ALG14: variants seen among roughly 807,000 people sequenced by gnomAD.
ALG14 encodes the protein UDP-N-acetylglucosamine transferase subunit ALG14.
Under a neutral mutation model 22.8 loss-of-function variants are expected in ALG14, and 17 were observed. The observed-to-expected ratio is 0.75, with a 90% CI of 0.51 to 1.12. The LOEUF is 1.12. ALG14 is among the 50% of genes most tolerant of loss of function. The pLI, the probability that ALG14 is intolerant of heterozygous loss-of-function variation, is 0.00. For synonymous variants in ALG14, 89 were observed against 103.7 expected (o/e 0.86, Z 0.86); for missense variants, 288 against 271.8 (o/e 1.06, Z -0.42).
Position 94,977,619 on chromosome 1 carries a change from A to G in ALG14, c.*5457T>C, listed in dbSNP as rs1672421613. On this transcript the variant is annotated 3_prime_UTR_variant, in exon 4 of 4. Coordinates refer to ENST00000370205, the MANE Select transcript of ALG14 (RefSeq NM_144988.4). Reference sequence around the variant, plus strand: ...TCTACAATGGTAAATATTGACAAATATAGCTCACACAAACAAAAGCTCATT... The same window carrying G: ...TCTACAATGGTAAATATTGACAAATGTAGCTCACACAAACAAAAGCTCATT... 1 of 151,710 alleles carries G rather than the reference A, an allele frequency of 6.6e-6. No individual in the cohort carries two copies. 9.4% of individuals were successfully genotyped at this position (151,710 alleles called of 1,614,324 possible).
intron 3 of ALG14, among the ~76,000 whole-genome samples, chr1:95,023,478 A>C (rs1193255218): frequency 1.3e-5 from 2 of 152,174 alleles, no homozygotes; most frequent in Non-Finnish European, 2.9e-5. Context: ...CTGGGTATGA[A>C]ACATGGAAAA....
At chr1:95,015,952 A>G (rs1673485618) in intron 3 of ALG14, among the ~76,000 whole-genome samples, 1 of 152,198 alleles carries the variant, frequency 6.6e-6, no homozygotes, top group Non-Finnish European at 1.5e-5. Flanking sequence ...ACTTAATGAC[A>G]AAAGAGGAGA....
In ALG14 at chr1:94,979,627, C is replaced by T. The variant is rs188396567; in HGVS notation, c.*3449G>A. On this transcript the variant is annotated 3_prime_UTR_variant, in exon 4 of 4. Coordinates refer to ENST00000370205, the MANE Select transcript of ALG14 (RefSeq NM_144988.4). ...CGAGAAAATTCTGGGGATAATGAAA[C>T]AAAAAAGGCAACCAATTATAATTGG... 9 of 151,916 alleles carry T rather than the reference C, an allele frequency of 5.9e-5. No homozygotes were observed. The highest frequency in any genetic ancestry group is 1.0e-4 in the Non-Finnish European group (7 of 67,924). 9.4% of individuals were successfully genotyped at this position (151,916 alleles called of 1,614,324 possible).
chr1:95,002,246 G>T (rs570056218), intron 3 of ALG14, among the ~76,000 whole-genome samples: 76 of 150,986 alleles, frequency 5.0e-4, no homozygotes, highest in East Asian at 1.5e-3. Flanking sequence ...TAAGTACCTG[G>T]GGGGGGGAAC....
chr1:95,024,673 CA>C (rs1673761368), intron 3 of ALG14, among the ~76,000 whole-genome samples: 1 of 152,156 alleles, frequency 6.6e-6, no homozygotes, highest in African/African-American at 2.4e-5. Context: ...TCAGTCCACT[CA>C]GGGGTAGAGC....
intron 3 of ALG14, among the ~76,000 whole-genome samples, chr1:94,993,929 T>C (rs767524116): frequency 3.3e-5 from 5 of 152,214 alleles, no homozygotes; most frequent in African/African-American, 1.2e-4. Context: ...TGCATGTTCA[T>C]GGCTGCTTCC....
intron 2 of ALG14, among the ~76,000 whole-genome samples, chr1:95,061,181 C>A (rs1272928797): frequency 1.3e-5 from 2 of 152,118 alleles, no homozygotes; most frequent in African/African-American, 4.8e-5. Flanking sequence ...CCCTTCAGAG[C>A]TATGAGAAAA....
chr1:94,996,984 T>C (rs1397968440), intron 3 of ALG14, among the ~76,000 whole-genome samples: 7 of 152,058 alleles, frequency 4.6e-5, no homozygotes, highest in Non-Finnish European at 1.0e-4. Flanking sequence ...CACCCAGCTG[T>C]TAACATTTTA....
chr1:95,052,465 A>G (rs1222086285), intron 2 of ALG14, among the ~76,000 whole-genome samples: 1 of 152,208 alleles, frequency 6.6e-6, no homozygotes, highest in Non-Finnish European at 1.5e-5. Context: ...CAAGAATGAG[A>G]AAAAAATAAA....
At chr1:95,040,276 C>G (rs1034811950) in intron 2 of ALG14, among the ~76,000 whole-genome samples, 1 of 152,134 alleles carries the variant, frequency 6.6e-6, no homozygotes, top group African/African-American at 2.4e-5. Flanking sequence ...GGGGTTGATT[C>G]ACACAAGGTG....
intron 3 of ALG14, chr1:95,022,229 C>T: frequency 5.0e-6 from 4 of 802,434 alleles, no homozygotes; most frequent in Non-Finnish European, 3.0e-6. Context: ...AATTTTGACA[C>T]AGATGTTGTT....
chr1:95,060,802 G>C (rs1675121193), intron 2 of ALG14, among the ~76,000 whole-genome samples: 1 of 152,060 alleles, frequency 6.6e-6, no homozygotes, highest in African/African-American at 2.4e-5. Context: ...CAACTTACTT[G>C]GTTCTAAGTG....
At chr1:95,013,205 T>C (rs1225770393) in intron 3 of ALG14, among the ~76,000 whole-genome samples, 2 of 151,904 alleles carry the variant, frequency 1.3e-5, no homozygotes, top group Admixed American at 6.6e-5. Context: ...TAATTAAATA[T>C]AGAATTGTCT....
chr1:95,023,078 C>CA (rs199796273), intron 3 of ALG14, among the ~76,000 whole-genome samples: 44 of 148,630 alleles, frequency 3.0e-4, no homozygotes, highest in Admixed American at 6.7e-4. Flanking sequence ...AACACCTAAT[C>CA]AAAAAAAAAA....
At position 94,978,285 on chromosome 1, in the gene ALG14, A is replaced by T. The variant is rs1381557425; in HGVS notation, c.*4791T>A. ...ACCATCTTGGCCAGGCTGGTCTTGAACTCCTGACCTTGTGATACACCCACC... is the reference window on the plus strand; with the variant it reads ...ACCATCTTGGCCAGGCTGGTCTTGATCTCCTGACCTTGTGATACACCCACC... On this transcript the variant is annotated 3_prime_UTR_variant, in exon 4 of 4. Coordinates refer to ENST00000370205, the MANE Select transcript of ALG14 (RefSeq NM_144988.4). 2.0e-5 allele frequency: 3 copies of T among 146,928 alleles called. No homozygotes were observed. The highest frequency in any genetic ancestry group is 3.0e-5 in the Non-Finnish European group (2 of 66,548). 9.1% of individuals were successfully genotyped at this position (146,928 alleles called of 1,614,324 possible). A position where few individuals can be genotyped will look rare whatever the true frequency, so the allele number is the denominator to read the frequency against.
intron 2 of ALG14, among the ~76,000 whole-genome samples, chr1:95,048,249 T>G (rs1179337200): frequency 6.6e-6 from 1 of 152,230 alleles, no homozygotes; most frequent in Non-Finnish European, 1.5e-5. Flanking sequence ...GAAAGTTGGC[T>G]CTGACTTTTA....
chr1:95,042,233 T>C (rs1299615339), intron 2 of ALG14, among the ~76,000 whole-genome samples: 14 of 152,078 alleles, frequency 9.2e-5, no homozygotes, highest in Admixed American at 9.2e-4. Context: ...CCCAACACTC[T>C]ATCTCACAGA....
rs992880500 is a variant in ALG14 at position 94,983,245 on chromosome 1, A to G, written c.482T>C (p.Ile161Thr). 6.2e-7 allele frequency: 1 copy of G among 1,614,174 alleles called. No homozygotes were observed. Among genetic ancestry groups the G allele is most frequent in the South Asian group, 1.1e-5 (1 of 91,084 alleles). Reference protein sequence around the residue: ...PICVSALLLGILGIKKVIIVY... With the variant: ...PICVSALLLGTLGIKKVIIVY... Reference sequence around the variant, plus strand: ...AATGATCACTTTCTTTATTCCTAGTATCCCAAGGAGAAGGGCAGATACACA... The same window carrying G: ...AATGATCACTTTCTTTATTCCTAGTGTCCCAAGGAGAAGGGCAGATACACA... The change falls in exon 4 of 4, where the codon ATA becomes ACA. Residue 161 changes from isoleucine (I) to threonine (T), a missense_variant. Physicochemically the swap from Ile to Thr is moderately conservative, Grantham distance 89 (BLOSUM62 -1). Coordinates refer to ENST00000370205, the MANE Select transcript of ALG14 (RefSeq NM_144988.4).
intron 3 of ALG14, among the ~76,000 whole-genome samples, chr1:95,012,651 T>C (rs370433263): frequency 5.1e-4 from 77 of 152,296 alleles, no homozygotes; most frequent in African/African-American, 1.7e-3. Flanking sequence ...ACATCTGTGG[T>C]CCATGGTCAA....
Sources: allele counts gnomAD v4.1 joint callset (sites outside exome capture counted in the v4.1 genomes callset), GRCh38; gene constraint gnomAD v4.1.1; transcripts MANE v1.5; gene names NCBI Gene and HGNC (gene_info 2026-07-23, HGNC 2026-07-21).